Variants in RAB44 observed in about 807,000 individuals in gnomAD.
The protein encoded by RAB44 is RAB44, member RAS oncogene family, also known as ras-related protein Rab-44.
In RAB44, 67 loss-of-function variants were observed where a neutral mutation model predicts 93.3. The ratio of observed to expected loss-of-function variants is 0.72; its 90% CI spans 0.59 to 0.88. The LOEUF (loss-of-function observed/expected upper bound fraction) is 0.88, where lower values mean the gene tolerates loss of function less well. Ranked by LOEUF, RAB44 falls within the 40% of genes least tolerant of loss-of-function variation. The pLI, the probability that RAB44 is intolerant of heterozygous loss-of-function variation, is 0.00. For missense variants in RAB44, 1,064 were observed against 1,261.7 expected (o/e 0.84, Z 2.37); for synonymous variants, 427 against 520.3 (o/e 0.82, Z 2.44).
At position 36,705,485 on chromosome 6, in the gene RAB44, C is replaced by T. The variant is rs547166542; in HGVS notation, c.207+1043C>T. Among the ~76,000 whole-genome samples, 5 of 145,694 alleles carry T rather than the reference C, an allele frequency of 3.4e-5. No individual in the cohort carries two copies. In the South Asian group the frequency reaches 7.0e-4, roughly 20 times the overall value. The stretch of plus-strand genomic sequence containing the variant: ...CAAACCTCTGCCTCCCAGGTTCAAG[C>T]GATTCTCCTGCTTCAGCCTCCCAAG... On this transcript the variant is annotated intron_variant, in intron 2 of 13. Transcript: ENST00000612677.
chr6:36,728,125 CTCTGGAAGTT>C (rs983864930), intron 11 of RAB44, among the ~76,000 whole-genome samples: 16 of 152,172 alleles, frequency 1.1e-4, no homozygotes, highest in Non-Finnish European at 1.9e-4. Flanking sequence ...GTTGCCTTCT[CTCTGGAAGTT>C]TCTAGTTTAG....
rs1054648348 is a variant in RAB44 at position 36,717,063 on chromosome 6, C to T, written c.495-210C>T. Among the ~76,000 whole-genome samples, 3 of 152,112 alleles carry T rather than the reference C, an allele frequency of 2.0e-5. No individual in the cohort carries two copies. Among genetic ancestry groups the T allele is most frequent in the South Asian group, 2.1e-4 (1 of 4,820 alleles). ...GGAATCATAGAGAGACACAGTGTGG[C>T]GGGGGTTCGAGAAGGGAGAGGGCAC... On this transcript the variant is annotated intron_variant, in intron 4 of 13. Transcript: ENST00000612677. This position sits in a 1 kb window ranked among gnomAD's most constrained non-coding sequence, Gnocchi z 4.1.
chr6:36,714,053 C>A lies in RAB44; in HGVS notation c.319+114C>A. On this transcript the variant is annotated intron_variant, in intron 3 of 13. Coordinates refer to ENST00000612677, the MANE Select transcript of RAB44 (RefSeq NM_001257357.2). ...ACCCTTTTCCCAGGGACTTTCACCCCCCATCCCCGGCTGCCACAGTGGTCC... is the reference window on the plus strand; with the variant it reads ...ACCCTTTTCCCAGGGACTTTCACCCACCATCCCCGGCTGCCACAGTGGTCC... The A allele has an allele frequency of 4.3e-6, 3 of 690,412 alleles. No individual in the cohort carries two copies. The East Asian group carries it at 8.3e-5, about 19-fold the overall frequency. 42.8% of individuals were successfully genotyped at this position (690,412 alleles called of 1,614,324 possible).
Position 36,720,519 on chromosome 6 carries a change from C to G in RAB44, c.985C>G (p.Arg329Gly). The G allele has an allele frequency of 1.6e-6, 2 of 1,233,796 alleles. No homozygotes were observed. Among genetic ancestry groups the G allele is most frequent in the Non-Finnish European group, 2.0e-6 (2 of 988,248 alleles). 76.4% of individuals were successfully genotyped at this position (1,233,796 alleles called of 1,614,324 possible). A position where few individuals can be genotyped will look rare whatever the true frequency, so the allele number is the denominator to read the frequency against. ...GGGGCGCCTGGACGCCGCCAGGGGC[C>G]GGGTGTCCTGGCAGGTGGAGGAGAA... ...TRGRLDAARGRVSWQVEEKLS... is the reference protein window; with the variant it reads ...TRGRLDAARGGVSWQVEEKLS... The change falls in exon 8 of 14, where the codon CGG (arginine) becomes GGG (glycine). Residue 329 changes from arginine to glycine, a missense_variant. Arg to Gly is a moderately radical substitution (Grantham distance 125). Coordinates refer to ENST00000612677, the MANE Select transcript of RAB44 (RefSeq NM_001257357.2).
In RAB44 at chr6:36,717,439, G is replaced by A. The variant is rs922737090; in HGVS notation, c.641+20G>A. 1.2e-5 allele frequency: 15 copies of A among 1,231,832 alleles called. No homozygotes were observed. Among genetic ancestry groups the A allele is most frequent in the Middle Eastern group, 3.1e-4 (1 of 3,230 alleles). The allele number at this position is 1,231,832 out of a possible 1,614,324, so 76.3% of individuals were successfully genotyped here. ...GAGGAAGTGAGTGGGGGGCCTGGCC[G>A]GGTGTCTGATACGAAGTAGGTGCTC... On this transcript the variant is annotated intron_variant, in intron 5 of 13. Coordinates refer to ENST00000612677, the MANE Select transcript of RAB44 (RefSeq NM_001257357.2). The surrounding 1 kb of genome is among the most constrained non-coding windows in gnomAD (Gnocchi z 4.1).
At chr6:36,725,565 A>T (rs1468916127) in intron 9 of RAB44, among the ~76,000 whole-genome samples, 1 of 152,224 alleles carries the variant, frequency 6.6e-6, no homozygotes, top group Non-Finnish European at 1.5e-5. Context: ...AGGGAATGGA[A>T]CAAAGAGTAC....
chr6:36,715,560 C>A lies in RAB44; in HGVS notation c.401C>A (p.Thr134Asn), dbSNP rs898389877. The change falls in exon 4 of 14, where the codon ACC (threonine) becomes AAC (asparagine). Residue 134 changes from threonine (T) to asparagine (N), a missense_variant. Coordinates refer to ENST00000612677, the MANE Select transcript of RAB44 (RefSeq NM_001257357.2). Reference sequence around the variant, plus strand: ...CCCTCTAAGCGGGTATCTGCTACCACCAGCTTCCCAGCTCTGGAGGAGGCG... The same window carrying A: ...CCCTCTAAGCGGGTATCTGCTACCAACAGCTTCCCAGCTCTGGAGGAGGCG... ...PLPSKRVSAT[T>N]SFPALEEADA... 7.4e-5 allele frequency: 113 copies of A among 1,536,068 alleles called. 1 individual carries two copies. The highest frequency in any genetic ancestry group is 7.0e-5 in the Non-Finnish European group (80 of 1,146,916).
intron 4 of RAB44, among the ~76,000 whole-genome samples, chr6:36,716,596 G>A (rs1342821494): frequency 1.3e-5 from 2 of 152,064 alleles, no homozygotes; most frequent in African/African-American, 4.8e-5. Flanking sequence ...AGGTTTGCTT[G>A]CCCCACCCAT....
chr6:36,698,975 G>GGA (rs1762449186), intron 1 of RAB44, among the ~76,000 whole-genome samples: 2 of 152,146 alleles, frequency 1.3e-5, no homozygotes, highest in African/African-American at 4.8e-5. Flanking sequence ...TTTTTAGGTT[G>GGA]TGCTGTCAGG....
intron 1 of RAB44, among the ~76,000 whole-genome samples, chr6:36,700,205 G>C (rs1276006781): frequency 6.6e-6 from 1 of 152,206 alleles, no homozygotes; most frequent in Non-Finnish European, 1.5e-5. Flanking sequence ...CCCCGTGGGA[G>C]AGATATTAGT....
intron 2 of RAB44, among the ~76,000 whole-genome samples, chr6:36,712,722 C>G (rs1762817493): frequency 6.6e-6 from 1 of 152,158 alleles, no homozygotes. Flanking sequence ...ACAGCAACAA[C>G]AAAACGATTA....
chr6:36,705,895 T>C (rs1237076993), intron 2 of RAB44, among the ~76,000 whole-genome samples: 1 of 148,476 alleles, frequency 6.7e-6, no homozygotes, highest in Non-Finnish European at 1.5e-5. Context: ...TTTGGATTTA[T>C]GTTGGATTTT....
rs907163712 is a variant in RAB44, at chr6:36,718,023, C to T, written c.642-5C>T. 1.5e-5 allele frequency: 18 copies of T among 1,232,020 alleles called. No homozygotes were observed. Among genetic ancestry groups the T allele is most frequent in the Non-Finnish European group, 1.8e-5 (18 of 987,984 alleles). 76.3% of individuals were successfully genotyped at this position (1,232,020 alleles called of 1,614,324 possible). On this transcript the variant is annotated splice_polypyrimidine_tract_variant and splice_region_variant and intron_variant, in intron 5 of 13. Coordinates refer to ENST00000612677, the MANE Select transcript of RAB44 (RefSeq NM_001257357.2). ...CTGCCTGGCCCCAACTCCTGCTCCT[C>T]CCAGGCGTGACTCTGACCACCACCG...
chr6:36,732,281 C>A lies in RAB44; in HGVS notation c.*188C>A, dbSNP rs1451425641. ...CTGCCTTTCACACTCCAAAGGAGGG[C>A]TTTGCTGAGTGAACAAGGCTTGAGG... is the stretch of plus-strand genomic sequence containing the variant. On this transcript the variant is annotated 3_prime_UTR_variant, in exon 14 of 14. Coordinates refer to ENST00000612677, the MANE Select transcript of RAB44 (RefSeq NM_001257357.2). 2 of 376,526 alleles carry A rather than the reference C, an allele frequency of 5.3e-6. No individual in the cohort carries two copies. Among genetic ancestry groups the A allele is most frequent in the Non-Finnish European group, 9.4e-6 (2 of 212,526 alleles). The allele number at this position is 376,526 out of a possible 1,614,324, so 23.3% of individuals were successfully genotyped here.
In RAB44 at chr6:36,727,561, C is replaced by A. The variant is rs1172723568; in HGVS notation, c.2682-16C>A. ...TCTGGATGCCTGGTGTGGCCTCATG[C>A]AGACTCTCTGGGCAGGTACCACAGT... On this transcript the variant is annotated splice_polypyrimidine_tract_variant and intron_variant, in intron 10 of 13. Coordinates refer to ENST00000612677, the MANE Select transcript of RAB44 (RefSeq NM_001257357.2). 133 of 1,541,752 alleles carry A rather than the reference C, an allele frequency of 8.6e-5. No individual in the cohort carries two copies. The highest frequency in any genetic ancestry group is 1.1e-4 in the Non-Finnish European group (129 of 1,139,308).
chr6:36,716,521 C>T (rs912236396), intron 4 of RAB44, among the ~76,000 whole-genome samples: 3 of 150,930 alleles, frequency 2.0e-5, no homozygotes, highest in African/African-American at 4.9e-5. Flanking sequence ...TGCCTGCTAA[C>T]GTCCCCTCCT....
At chr6:36,707,372 A>AT (rs2150326832) in intron 2 of RAB44, among the ~76,000 whole-genome samples, 1 of 152,292 alleles carries the variant, frequency 6.6e-6, no homozygotes, top group East Asian at 1.9e-4. Context: ...AAAAAAAAAA[A>AT]AGTATAATCT....
chr6:36,715,506 C>T lies in RAB44; in HGVS notation c.347C>T (p.Pro116Leu), dbSNP rs1487109218. The change falls in exon 4 of 14, where the codon CCC becomes CTC. Residue 116 changes from proline to leucine, a missense_variant. Physicochemically the swap from Pro to Leu is moderately conservative, Grantham distance 98. Coordinates refer to ENST00000612677, the MANE Select transcript of RAB44 (RefSeq NM_001257357.2). ...AACATCTTTGGCTCCAGCCAGAGCC[C>T]CCACAGGCTCCGCAGAAGGAAGCCA... is the stretch of plus-strand genomic sequence containing the variant. The part of the protein sequence containing the change: ...LKNIFGSSQS[P>L]HRLRRRKPLP... 5 of 1,536,142 alleles carry T rather than the reference C, an allele frequency of 3.3e-6. No individual in the cohort carries two copies. The highest frequency in any genetic ancestry group is 4.4e-6 in the Non-Finnish European group (5 of 1,146,910).
Position 36,721,654 on chromosome 6 carries a change from C to G in RAB44, c.1520C>G (p.Ala507Gly). ...TTGGAGGATGGGCCCCCTCCCCCTG[C>G]GAACTCTCCCCCTCCCCAGGCCCCA... ...IPLEDGPPPP[A>G]NSPPPQAPAG... The change falls in exon 9 of 14, where the codon GCG becomes GGG. Residue 507 changes from alanine (A) to glycine (G), a missense_variant. Coordinates refer to ENST00000612677, the MANE Select transcript of RAB44 (RefSeq NM_001257357.2). 4 of 1,234,452 alleles carry G rather than the reference C, an allele frequency of 3.2e-6. No individual in the cohort carries two copies. The highest frequency in any genetic ancestry group is 3.2e-5 in the East Asian group (1 of 31,688). The allele number at this position is 1,234,452 out of a possible 1,614,324, so 76.5% of individuals were successfully genotyped here.
Sources: gnomAD v4.1 joint callset for allele counts (sites outside exome capture counted in the v4.1 genomes callset) on GRCh38, gnomAD v4.1.1 for gene constraint, Gnocchi (gnomAD v3.1) non-coding constraint, MANE v1.5 for transcripts, NCBI Gene and HGNC (gene_info 2026-07-23, HGNC 2026-07-21) for gene names.